KANK1: variants seen among roughly 807,000 people sequenced by gnomAD.
KANK1 encodes the protein KN motif and ankyrin repeat domains 1, also known as KN motif and ankyrin repeat domain-containing protein 1.
In KANK1, 109 loss-of-function variants were observed where a neutral mutation model predicts 106.2. The observed-to-expected ratio is 1.03, with a 90% CI of 0.88 to 1.20. KANK1 has a LOEUF of 1.20. Among genes scored for constraint, KANK1 ranks in the 50% most tolerant of loss-of-function variants. The probability of loss-of-function intolerance (pLI) is 0.00; values close to 1 mark genes in which losing one functional copy is unlikely to be tolerated. For missense variants in KANK1, 2,399 were observed against 1,710.7 expected (o/e 1.40, Z -7.10); for synonymous variants, 873 against 652.2 (o/e 1.34, Z -5.16).
At chr9:655,666 C>G (rs1318961257) in intron 1 of KANK1, among the ~76,000 whole-genome samples, 1 of 152,094 alleles carries the variant, frequency 6.6e-6, no homozygotes, top group African/African-American at 2.4e-5. Context: ...AAAGTGTTGA[C>G]CTATGTAAGT....
chr9:599,915 G>A (rs920004447), intron 1 of KANK1, among the ~76,000 whole-genome samples: 1 of 151,520 alleles, frequency 6.6e-6, no homozygotes, highest in Non-Finnish European at 1.5e-5. Context: ...GTGTGGTGTT[G>A]GTGTTTTATA....
chr9:571,631 C>T (rs1436991148), intron 1 of KANK1, among the ~76,000 whole-genome samples: 1 of 151,950 alleles, frequency 6.6e-6, no homozygotes, highest in African/African-American at 2.4e-5. Context: ...CTGTCTCATT[C>T]CCAGGCACTT....
At chr9:719,743 A>AT (rs992509466) in intron 3 of KANK1, among the ~76,000 whole-genome samples, 47 of 149,934 alleles carry the variant, frequency 3.1e-4, no homozygotes, top group South Asian at 8.5e-4. Context: ...GTTTTGGGTG[A>AT]TTTTTTTTTT....
At chr9:516,091 T>C (rs572757951) in intron 1 of KANK1, among the ~76,000 whole-genome samples, 4 of 151,788 alleles carry the variant, frequency 2.6e-5, no homozygotes, top group Admixed American at 2.6e-4. Flanking sequence ...GGTGTATTGC[T>C]GATCAGGGGA....
chr9:659,011 T>C (rs561257297), intron 1 of KANK1, among the ~76,000 whole-genome samples: 3,738 of 152,290 alleles, frequency 0.025, 159 homozygotes, highest in African/African-American at 0.086. Flanking sequence ...CAACACCTGT[T>C]TTTTTCTCCT....
chr9:611,449 A>G (rs960488081), intron 1 of KANK1, among the ~76,000 whole-genome samples: 1 of 152,174 alleles, frequency 6.6e-6, no homozygotes, highest in Non-Finnish European at 1.5e-5. Flanking sequence ...CTTAAGGCCC[A>G]TGTCCTCTGT....
intron 1 of KANK1, among the ~76,000 whole-genome samples, chr9:547,807 A>G (rs1003494346): frequency 2.6e-5 from 4 of 152,272 alleles, no homozygotes; most frequent in African/African-American, 9.6e-5. Flanking sequence ...GCAGTGGACT[A>G]GCCCATGCTG....
chr9:732,221 G>C, intron 5 of KANK1, 157 bp from the exon 6 acceptor site: 1 of 781,306 alleles, frequency 1.3e-6, no homozygotes, highest in South Asian at 2.0e-5. Flanking sequence ...AAAACCACCA[G>C]GCATTTAAAT....
chr9:585,987 G>C (rs897628472), intron 1 of KANK1, among the ~76,000 whole-genome samples: 1 of 152,194 alleles, frequency 6.6e-6, no homozygotes, highest in African/African-American at 2.4e-5. Context: ...AGGTTTGGAA[G>C]TTATAAGACA....
intron 2 of KANK1, among the ~76,000 whole-genome samples, chr9:690,192 G>A (rs1274973916): frequency 6.9e-6 from 1 of 144,952 alleles, no homozygotes; most frequent in African/African-American, 2.6e-5. Context: ...TGTAATCCCA[G>A]CTATTTAGGA....
chr9:473,702 ATT>A (rs202023060), intron 3 of KANK1, among the ~76,000 whole-genome samples: 20 of 144,826 alleles, frequency 1.4e-4, no homozygotes, highest in African/African-American at 3.3e-4. Flanking sequence ...AAGAACAAGA[ATT>A]TTTTTTTTTT....
Position 711,763 on chromosome 9 carries a change from G to T in KANK1, c.997G>T (p.Glu333Ter). 1 of 1,614,204 alleles carries T rather than the reference G, an allele frequency of 6.2e-7. No homozygotes were observed. Among genetic ancestry groups the T allele is most frequent in the Middle Eastern group, 1.6e-4 (1 of 6,062 alleles). The change falls in exon 3 of 12, where the codon GAA becomes TAA. Residue 333 changes from glutamate (E) to a stop codon, truncating the protein, a stop_gained. Coordinates refer to ENST00000382297, the MANE Select transcript of KANK1 (RefSeq NM_015158.5). LOFTEE classifies it high-confidence loss of function. ...TAGTGCGGGGAACGCCTCCCAGCTG[G>T]AACAGCTCTCCCGGGCCCGAAGAAG... ...SYSAGNASQLEQLSRARRSGG... is the reference protein window; with the variant it reads ...SYSAGNASQL
intron 3 of KANK1, among the ~76,000 whole-genome samples, chr9:499,184 A>G (rs1284374548): frequency 6.6e-6 from 1 of 152,138 alleles, no homozygotes; most frequent in Non-Finnish European, 1.5e-5. Context: ...TCTCAAAAAA[A>G]AAAAAAAAGT....
chr9:675,612 A>G (rs1489928686), intron 1 of KANK1, among the ~76,000 whole-genome samples: 1 of 152,104 alleles, frequency 6.6e-6, no homozygotes, highest in African/African-American at 2.4e-5. Flanking sequence ...AAATGAATAT[A>G]TTGCCCAATG....
chr9:500,912 A>G (rs564563586), upstream of KANK1, among the ~76,000 whole-genome samples: 1 of 152,308 alleles, frequency 6.6e-6, no homozygotes, highest in African/African-American at 2.4e-5. Flanking sequence ...AAAGATTACA[A>G]CATATGACTA....
intron 2 of KANK1, among the ~76,000 whole-genome samples, chr9:678,462 C>G (rs1268849989): frequency 6.6e-6 from 1 of 152,174 alleles, no homozygotes; most frequent in Non-Finnish European, 1.5e-5. Flanking sequence ...TGGGCAGTGG[C>G]TCACACCTGT....
chr9:552,711 C>T (rs1411470220), intron 1 of KANK1, among the ~76,000 whole-genome samples: 2 of 152,128 alleles, frequency 1.3e-5, no homozygotes, highest in Non-Finnish European at 2.9e-5. Flanking sequence ...GCCTTTTTCC[C>T]TGTGACAATT....
intron 7 of KANK1, among the ~76,000 whole-genome samples, chr9:735,095 T>C (rs943670771): frequency 6.6e-6 from 1 of 152,230 alleles, no homozygotes; most frequent in Non-Finnish European, 1.5e-5. Flanking sequence ...AGGCGTACAC[T>C]TGCAGACAGA....
intron 1 of KANK1, among the ~76,000 whole-genome samples, chr9:591,346 C>G (rs912901717): frequency 6.6e-6 from 1 of 151,686 alleles, no homozygotes; most frequent in Non-Finnish European, 1.5e-5. Flanking sequence ...ATTTGTTGCC[C>G]ATTGTCAGTT....
Sources: allele counts gnomAD v4.1 joint callset (sites outside exome capture counted in the v4.1 genomes callset), GRCh38; gene constraint gnomAD v4.1.1; transcripts MANE v1.5; gene names NCBI Gene and HGNC (gene_info 2026-07-23, HGNC 2026-07-21).